Variants in PITPNB observed in about 807,000 individuals in gnomAD.
PITPNB encodes the protein phosphatidylinositol transfer protein beta, also known as phosphatidylinositol transfer protein beta isoform.
Under a neutral mutation model 45.9 loss-of-function variants are expected in PITPNB, and 16 were observed. The observed-to-expected ratio is 0.35, with a 90% CI of 0.24 to 0.53. The LOEUF (loss-of-function observed/expected upper bound fraction) is 0.53. Among genes scored for constraint, PITPNB ranks in the 20% least tolerant of loss-of-function variants. The pLI is 0.93. For missense variants in PITPNB, 188 were observed against 330.5 expected (o/e 0.57, Z 3.34); for synonymous variants, 112 against 108.9 (o/e 1.03, Z -0.18).
chr22:27,855,180 T>G (rs1934136069), intron 10 of PITPNB, among the ~76,000 whole-genome samples: 1 of 152,232 alleles, frequency 6.6e-6, no homozygotes, highest in East Asian at 1.9e-4. Context: ...GCCTGCAGAC[T>G]GATAAAAAAT....
chr22:27,862,096 T>C (rs1302408863), intron 8 of PITPNB, among the ~76,000 whole-genome samples: 1 of 152,150 alleles, frequency 6.6e-6, no homozygotes. Flanking sequence ...ACTGATCCAG[T>C]GATCAGTCCC....
chr22:27,869,712 T>G (rs9625347), intron 8 of PITPNB, among the ~76,000 whole-genome samples: 6,573 of 152,248 alleles, frequency 0.043, 236 homozygotes, highest in African/African-American at 0.092. Context: ...ACAAAAGCAT[T>G]ATAACAATAA....
chr22:27,885,403 A>G (rs894940476), intron 7 of PITPNB, among the ~76,000 whole-genome samples: 1 of 152,146 alleles, frequency 6.6e-6, no homozygotes, highest in Non-Finnish European at 1.5e-5. Flanking sequence ...AAACTTTAAA[A>G]CTTACACTGT....
intron 7 of PITPNB, among the ~76,000 whole-genome samples, chr22:27,874,290 C>T (rs960006735): frequency 6.6e-6 from 1 of 152,192 alleles, no homozygotes; most frequent in Non-Finnish European, 1.5e-5. Context: ...GCACCCCCAA[C>T]CTCTTCCTAC....
intron 7 of PITPNB, 89 bp downstream of exon 7, chr22:27,894,466 A>T (rs905280370): frequency 4.0e-6 from 3 of 755,646 alleles, no homozygotes; most frequent in Non-Finnish European, 6.9e-6. Context: ...AAAGGAAATA[A>T]TTTTTTTAAC....
intron 10 of PITPNB, among the ~76,000 whole-genome samples, chr22:27,856,850 G>A (rs1934188228): frequency 6.6e-6 from 1 of 152,200 alleles, no homozygotes. Flanking sequence ...CTTGGAGGGA[G>A]TGAAACCAGA....
Position 27,854,917 on chromosome 22 carries a change from C to T in PITPNB, c.791G>A (p.Arg264Gln). 2.5e-6 allele frequency: 4 copies of T among 1,613,572 alleles called. No individual in the cohort carries two copies. Among genetic ancestry groups the T allele is most frequent in the Non-Finnish European group, 3.4e-6 (4 of 1,179,522 alleles). The change falls in exon 11 of 12, where the codon CGA becomes CAA. Residue 264 changes from arginine (R) to glutamine (Q), a missense_variant. By Grantham distance (43) the Arg-to-Gln change is conservative. Transcript: ENST00000335272. The part of the protein sequence containing the change: ...LETMRKRGSV[R>Q]GTSAADV ...CTAGACATCAGCAGCCGACGTGCCT[C>T]GAACGGAACCCCTCTTACGCATCTA... is the stretch of plus-strand genomic sequence containing the variant.
At chr22:27,871,002 G>A (rs758054543) in intron 8 of PITPNB, among the ~76,000 whole-genome samples, 2 of 152,142 alleles carry the variant, frequency 1.3e-5, no homozygotes, top group Non-Finnish European at 2.9e-5. Flanking sequence ...CAAATGGGCA[G>A]AAACAACCAG....
chr22:27,909,345 C>A (rs1274150739), intron 3 of PITPNB, among the ~76,000 whole-genome samples: 3 of 150,738 alleles, frequency 2.0e-5, no homozygotes, highest in African/African-American at 7.3e-5. Flanking sequence ...GGATTATAGG[C>A]CTGAGCCACC....
chr22:27,858,927 C>T (rs1393964413), intron 9 of PITPNB, among the ~76,000 whole-genome samples: 1 of 152,108 alleles, frequency 6.6e-6, no homozygotes, highest in Non-Finnish European at 1.5e-5. Context: ...TACAATAATG[C>T]ATTGAAAGAA....
intron 7 of PITPNB, among the ~76,000 whole-genome samples, chr22:27,885,176 G>C (rs1429527255): frequency 9.0e-6 from 1 of 111,304 alleles, no homozygotes; most frequent in Non-Finnish European, 1.7e-5. Flanking sequence ...CAAAGTGCTG[G>C]AGATGATTAA....
chr22:27,873,860 A>G (rs534037357), intron 7 of PITPNB, 45 bp from the exon 8 acceptor site: 2 of 1,292,024 alleles, frequency 1.5e-6, no homozygotes, highest in African/African-American at 2.9e-5. Context: ...AAACCAGAGA[A>G]TATTCTTTAA....
At chr22:27,869,919 C>T (rs1337631925) in intron 8 of PITPNB, among the ~76,000 whole-genome samples, 1 of 152,034 alleles carries the variant, frequency 6.6e-6, no homozygotes, top group Non-Finnish European at 1.5e-5. Context: ...TTAGTGCCTC[C>T]GACACTTACA....
intron 3 of PITPNB, chr22:27,910,683 G>C (rs916492521): frequency 3.6e-6 from 1 of 280,034 alleles, no homozygotes; most frequent in African/African-American, 2.2e-5. Context: ...AAATGATCTA[G>C]AAAGATAAAC....
chr22:27,862,218 A>C (rs1382167733), intron 8 of PITPNB, among the ~76,000 whole-genome samples: 4 of 152,204 alleles, frequency 2.6e-5, no homozygotes, highest in African/African-American at 9.6e-5. Flanking sequence ...ATACATTCAA[A>C]AAATGATTAA....
Position 27,873,661 on chromosome 22 carries a change from CA to C in PITPNB, c.534+76del, listed in dbSNP as rs1193432884. On this transcript the variant is annotated intron_variant, in intron 8 of 11. Coordinates refer to ENST00000335272, the MANE Select transcript of PITPNB (RefSeq NM_012399.5). ...TTTCTATTTTTCACTTAAACGTCAC[CA>C]GCTCTTCAAGACTCAGGACCTGTCA... is the stretch of plus-strand genomic sequence containing the variant. The C allele has an allele frequency of 8.2e-6, 7 of 851,204 alleles. No individual in the cohort carries two copies. In the Admixed American group the frequency reaches 1.4e-4, roughly 17 times the overall value. The allele number at this position is 851,204 out of a possible 1,614,324, so 52.7% of individuals were successfully genotyped here.
At chr22:27,917,989 G>A (rs1042272348) in intron 1 of PITPNB, among the ~76,000 whole-genome samples, 3 of 152,142 alleles carry the variant, frequency 2.0e-5, no homozygotes, top group Non-Finnish European at 2.9e-5. Flanking sequence ...TCAAGCAAAG[G>A]GAACAAAAGC....
At chr22:27,871,060 G>T (rs1934646227) in intron 8 of PITPNB, among the ~76,000 whole-genome samples, 1 of 152,018 alleles carries the variant, frequency 6.6e-6, no homozygotes, top group Non-Finnish European at 1.5e-5. Flanking sequence ...GGGGAAAATG[G>T]AAAAAAACTG....
At chr22:27,864,959 A>G (rs557019191) in intron 8 of PITPNB, among the ~76,000 whole-genome samples, 3 of 152,296 alleles carry the variant, frequency 2.0e-5, no homozygotes, top group African/African-American at 7.2e-5. Context: ...AAAAAAGAAA[A>G]AAAAAGAAAA....
Sources: allele counts gnomAD v4.1 joint callset (sites outside exome capture counted in the v4.1 genomes callset), GRCh38; gene constraint gnomAD v4.1.1; transcripts MANE v1.5; gene names NCBI Gene and HGNC (gene_info 2026-07-23, HGNC 2026-07-21).